The following INPP5D variants were observed in gnomAD, a reference collection of about 807,000 sequenced individuals.
The protein encoded by INPP5D is inositol polyphosphate-5-phosphatase D.
INPP5D carries 33 observed loss-of-function variants against 122.9 expected under a neutral mutation model. That is an observed-to-expected ratio of 0.27 (90% CI 0.20 to 0.36). The LOEUF (loss-of-function observed/expected upper bound fraction) is 0.36, where lower values mean the gene tolerates loss of function less well. INPP5D is among the 10% of genes least tolerant of loss of function. INPP5D has a pLI of 1.00. For synonymous variants in INPP5D, 584 were observed against 576.2 expected, an observed-to-expected ratio of 1.01 and a Z score of -0.19; for missense variants, 1,053 against 1,412.7, an observed-to-expected ratio of 0.75 and a Z score of 4.08.
intron 5 of INPP5D, among the ~76,000 whole-genome samples, chr2:233,139,596 G>A (rs1693591183): frequency 6.6e-6 from 1 of 152,116 alleles, no homozygotes; most frequent in Non-Finnish European, 1.5e-5. Context: ...ATAGAGTGCA[G>A]TTTGGCTAAA....
At chr2:233,156,537 T>C (rs921830879) in intron 9 of INPP5D, among the ~76,000 whole-genome samples, 3 of 152,082 alleles carry the variant, frequency 2.0e-5, no homozygotes, top group African/African-American at 7.2e-5. Flanking sequence ...TCAGGCAATC[T>C]GCCTGCCTCA....
Position 233,078,422 on chromosome 2 carries a change from C to G in INPP5D, c.135-913C>G, listed in dbSNP as rs1250266542. Among the ~76,000 whole-genome samples the G allele has an allele frequency of 1.3e-5, 2 of 152,238 alleles. No homozygotes were observed. The highest frequency in any genetic ancestry group is 2.4e-5 in the African/African-American group (1 of 41,472). ...AACAACCCCAAGACTTGCTCTCCAG[C>G]TGCTGGGGCAAATCCAGGTCTCGGC... On this transcript the variant is annotated intron_variant, in intron 1 of 26. Transcript: ENST00000445964. The surrounding 1 kb of genome is among the most constrained non-coding windows in gnomAD (Gnocchi z 4.6).
At chr2:233,115,595 C>G (rs1692766741) in intron 2 of INPP5D, among the ~76,000 whole-genome samples, 13 of 152,158 alleles carry the variant, frequency 8.5e-5, no homozygotes, top group Admixed American at 7.2e-4. Context: ...AGCCCCTCTC[C>G]CCTTGCCCTG....
At chr2:233,169,892 G>A in intron 14 of INPP5D, 134 bp from the exon 15 acceptor site, 1 of 1,510,150 alleles carries the variant, frequency 6.6e-7, no homozygotes, top group Admixed American at 1.8e-5. Context: ...CTGCAGCAGG[G>A]CTGGAGGGCT....
intron 1 of INPP5D, among the ~76,000 whole-genome samples, chr2:233,065,787 C>T (rs1691206683): frequency 6.6e-6 from 1 of 151,776 alleles, no homozygotes; most frequent in South Asian, 2.1e-4. Context: ...GCTGGGATTA[C>T]AGGTACCCAC....
intron 2 of INPP5D, among the ~76,000 whole-genome samples, chr2:233,096,778 C>G (rs528738011): frequency 2.0e-5 from 3 of 151,676 alleles, no homozygotes; most frequent in Admixed American, 6.6e-5. Context: ...TTTTAAAAAC[C>G]CTTTATATGT....
At chr2:233,070,693 G>T (rs920964336) in intron 1 of INPP5D, among the ~76,000 whole-genome samples, 1 of 151,848 alleles carries the variant, frequency 6.6e-6, no homozygotes, top group Non-Finnish European at 1.5e-5. Context: ...CGCTCGCCTC[G>T]GCCTCCCAAA....
intron 26 of INPP5D, 83 bp downstream of exon 26, chr2:233,204,800 G>C: frequency 7.0e-7 from 1 of 1,427,028 alleles, no homozygotes; most frequent in South Asian, 1.5e-5. Context: ...ATGCATATGT[G>C]TGTGCATGTG....
intron 2 of INPP5D, among the ~76,000 whole-genome samples, chr2:233,090,225 G>A (rs941996708): frequency 6.6e-6 from 1 of 152,240 alleles, no homozygotes; most frequent in African/African-American, 2.4e-5. Context: ...GTTAACTTTA[G>A]TCTGCCCTGT....
rs376148271 is a variant in INPP5D at position 233,185,713 on chromosome 2, A to AT, written c.2276-129dup. 211 of 991,236 alleles carry AT rather than the reference A, an allele frequency of 2.1e-4. 1 individual carries two copies. In the African/African-American group the frequency reaches 3.8e-3, roughly 18 times the overall value. 61.4% of individuals were successfully genotyped at this position (991,236 alleles called of 1,614,324 possible). On this transcript the variant is annotated intron_variant, in intron 20 of 26. Coordinates refer to ENST00000445964, the MANE Select transcript of INPP5D (RefSeq NM_001017915.3). ...TCCTAAATGATGCTGAGGCCCCGAG[A>AT]TAAAAAAAAAAAAAAAAAAAAAAAG...
intron 2 of INPP5D, among the ~76,000 whole-genome samples, chr2:233,116,874 C>T (rs553647771): frequency 1.3e-5 from 2 of 152,202 alleles, no homozygotes; most frequent in South Asian, 4.1e-4. Flanking sequence ...GGATTACAGG[C>T]GTGAGCCACC....
At chr2:233,061,362 T>G (rs1574693349) in intron 1 of INPP5D, among the ~76,000 whole-genome samples, 1 of 152,214 alleles carries the variant, frequency 6.6e-6, no homozygotes, top group Middle Eastern at 3.4e-3. Context: ...ACCCCCTTCC[T>G]GTCCAGCGTC....
At chr2:233,171,396 G>T in intron 17 of INPP5D, 1 of 461,960 alleles carries the variant, frequency 2.2e-6, no homozygotes, top group East Asian at 3.8e-5. Context: ...ATGCTGAGAG[G>T]ACTTTAAAGT....
chr2:233,060,544 A>G lies in INPP5D; in HGVS notation c.66A>G (p.Thr22=), dbSNP rs1318081737. 4 of 1,613,842 alleles carry G rather than the reference A, an allele frequency of 2.5e-6. No homozygotes were observed. The African/African-American group carries it at 4.0e-5, about 16-fold the overall frequency. The change falls in exon 1 of 27, where the codon ACA becomes ACG. Residue 22 remains threonine, a synonymous_variant. Transcript: ENST00000445964. ...RSKAEELLSR[T]GKDGSFLVRA... is the part of the protein sequence containing the mutation. ...AGGCGGAGGAGCTGCTTTCCAGGAC[A>G]GGCAAGGACGGGAGCTTCCTCGTGC...
At chr2:233,129,804 A>G (rs746988871) in intron 4 of INPP5D, among the ~76,000 whole-genome samples, 1 of 152,200 alleles carries the variant, frequency 6.6e-6, no homozygotes, top group Non-Finnish European at 1.5e-5. Flanking sequence ...TCATCCTTCC[A>G]GCCCTCAGAT....
chr2:233,148,531 C>T (rs1321925066), intron 9 of INPP5D, among the ~76,000 whole-genome samples: 2 of 152,046 alleles, frequency 1.3e-5, no homozygotes, highest in Admixed American at 1.3e-4. Context: ...GCACTGGGGC[C>T]CAGGTTAGGG....
chr2:233,099,411 G>A (rs1204566697), intron 2 of INPP5D, among the ~76,000 whole-genome samples: 1 of 152,210 alleles, frequency 6.6e-6, no homozygotes. Flanking sequence ...CTGCCTCCTG[G>A]ATCCTTATCT....
intron 14 of INPP5D, 119 bp downstream of exon 14, chr2:233,169,520 G>A (rs1694434931): frequency 6.8e-7 from 1 of 1,466,402 alleles, no homozygotes; most frequent in South Asian, 1.4e-5. Flanking sequence ...TGGATGTCCT[G>A]TGGCCTTTCA....
chr2:233,166,708 G>T (rs886392527), intron 13 of INPP5D, among the ~76,000 whole-genome samples: 2 of 152,234 alleles, frequency 1.3e-5, no homozygotes, highest in Non-Finnish European at 2.9e-5. Context: ...ATGCTGGTCG[G>T]TGTGGTAGGC....
Sources: allele counts gnomAD v4.1 joint callset (sites outside exome capture counted in the v4.1 genomes callset), GRCh38; gene constraint gnomAD v4.1.1; non-coding constraint Gnocchi (gnomAD v3.1); transcripts MANE v1.5; gene names NCBI Gene and HGNC (gene_info 2026-07-23, HGNC 2026-07-21).